The following NSFL1C variants were observed in gnomAD, a reference collection of about 807,000 sequenced individuals.
The protein encoded by NSFL1C is NSFL1 cofactor p47.
Under a neutral mutation model 43.1 loss-of-function variants are expected in NSFL1C, and 14 were observed. The ratio of observed to expected loss-of-function variants is 0.32; its 90% CI spans 0.21 to 0.51. NSFL1C has a LOEUF of 0.51. Among genes scored for constraint, NSFL1C ranks in the 20% least tolerant of loss-of-function variants. NSFL1C has a pLI of 0.98. For missense variants in NSFL1C, 406 were observed against 472.5 expected, an observed-to-expected ratio of 0.86 and a Z score of 1.30; for synonymous variants, 171 against 183.5, an observed-to-expected ratio of 0.93 and a Z score of 0.55.
chr20:1,462,647 G>A (rs1001975495), intron 2 of NSFL1C, among the ~76,000 whole-genome samples: 13 of 151,666 alleles, frequency 8.6e-5, no homozygotes, highest in Non-Finnish European at 1.3e-4. Context: ...TCAGCCTCCC[G>A]GGTAGCTGGG....
chr20:1,457,127 AT>A (rs2090318321), intron 3 of NSFL1C: 1 of 152,182 alleles, frequency 6.6e-6, no homozygotes, highest in Non-Finnish European at 1.5e-5. Context: ...CAAATAGTTG[AT>A]GGGTACATGT....
rs2089986411 is a variant in NSFL1C at position 1,443,207 on chromosome 20, T to A, written c.*542A>T. ...TCTGAAGACACTGTGTGCATGGAGC[T>A]CTGACTTCCCACTTCAGGGAACTCT... On this transcript the variant is annotated 3_prime_UTR_variant, in exon 9 of 9. Coordinates refer to ENST00000216879, the MANE Select transcript of NSFL1C (RefSeq NM_016143.5). The A allele has an allele frequency of 6.5e-6, 1 of 153,186 alleles. No homozygotes were observed. The allele number at this position is 153,186 out of a possible 1,614,324, so 9.5% of individuals were successfully genotyped here.
chr20:1,460,466 C>T (rs1460335283), intron 2 of NSFL1C, among the ~76,000 whole-genome samples: 5 of 152,100 alleles, frequency 3.3e-5, no homozygotes, highest in Admixed American at 2.6e-4. Context: ...CATGGATGTC[C>T]TAGGGATATT....
chr20:1,461,265 T>C (rs986919635), intron 2 of NSFL1C, among the ~76,000 whole-genome samples: 1 of 152,162 alleles, frequency 6.6e-6, no homozygotes, highest in African/African-American at 2.4e-5. Flanking sequence ...TGCCACCCAG[T>C]AGTACATGGA....
chr20:1,451,031 G>A (rs2090169904), intron 7 of NSFL1C, among the ~76,000 whole-genome samples: 1 of 152,088 alleles, frequency 6.6e-6, no homozygotes, highest in African/African-American at 2.4e-5. Flanking sequence ...TTAGCTTCAG[G>A]ACAGCTTTTA....
At chr20:1,453,973 ACTC>A (rs992365806) in intron 5 of NSFL1C, among the ~76,000 whole-genome samples, 12 of 151,512 alleles carry the variant, frequency 7.9e-5, no homozygotes, top group African/African-American at 2.7e-4. Context: ...TGCTCAAAAA[ACTC>A]CTTCATTTGC....
At chr20:1,462,082 G>T (rs2090422690) in intron 2 of NSFL1C, among the ~76,000 whole-genome samples, 1 of 152,130 alleles carries the variant, frequency 6.6e-6, no homozygotes, top group Non-Finnish European at 1.5e-5. Flanking sequence ...ATTCCTCCTA[G>T]GGTTCTCGGG....
chr20:1,452,781 C>T, intron 6 of NSFL1C, 151 bp from the exon 7 acceptor site: 4 of 987,798 alleles, frequency 4.0e-6, no homozygotes. Context: ...CTGTCTGCCT[C>T]CACCTTTTCT....
At chr20:1,452,894 T>A in intron 6 of NSFL1C, 137 bp downstream of exon 6, 1 of 722,418 alleles carries the variant, frequency 1.4e-6, no homozygotes, top group East Asian at 2.5e-5. Context: ...TTGGAGCAGA[T>A]CTATGAATCC....
chr20:1,444,951 A>C (rs2090027768), intron 8 of NSFL1C, among the ~76,000 whole-genome samples: 1 of 152,186 alleles, frequency 6.6e-6, no homozygotes, highest in Non-Finnish European at 1.5e-5. Context: ...TCAATATTCA[A>C]CGACTGACAA....
At chr20:1,466,528 G>C (rs2090516356) in intron 1 of NSFL1C, among the ~76,000 whole-genome samples, 192 bp downstream of exon 1, 1 of 152,326 alleles carries the variant, frequency 6.6e-6, no homozygotes. Flanking sequence ...ACTGGCTGGG[G>C]CTGGCCCGCG....
At chr20:1,463,319 C>T (rs1453506206) in intron 2 of NSFL1C, 1 of 152,214 alleles carries the variant, frequency 6.6e-6, no homozygotes, top group Non-Finnish European at 1.5e-5. Flanking sequence ...CTAGCAGCTG[C>T]AAGAACAGCA....
intron 3 of NSFL1C, chr20:1,455,921 C>G (rs1216508841): frequency 1.6e-6 from 1 of 624,224 alleles, no homozygotes; most frequent in African/African-American, 1.8e-5. Flanking sequence ...AAATACAAGC[C>G]CCAAGACACC....
chr20:1,454,944 C>G lies in NSFL1C; in HGVS notation c.444+23G>C, dbSNP rs768965320. On this transcript the variant is annotated intron_variant, in intron 4 of 8. Transcript: ENST00000216879. The stretch of plus-strand genomic sequence containing the variant: ...TTCTGGAATCTCAGTCCTGTGGGCA[C>G]AGACAATGACCCTTATACTCACTCT... The G allele has an allele frequency of 5.6e-6, 9 of 1,602,368 alleles. No homozygotes were observed. In the African/African-American group the frequency reaches 1.2e-4, roughly 21 times the overall value.
chr20:1,452,893 A>G (rs1320533837), intron 6 of NSFL1C, 138 bp downstream of exon 6: 1 of 720,596 alleles, frequency 1.4e-6, no homozygotes, highest in Non-Finnish European at 2.4e-6. Flanking sequence ...TTTGGAGCAG[A>G]TCTATGAATC....
Position 1,443,860 on chromosome 20 carries a change from G to A in NSFL1C, c.1002C>T (p.Ala334=), listed in dbSNP as rs750053519. 6.2e-7 allele frequency: 1 copy of A among 1,613,806 alleles called. No individual in the cohort carries two copies. The highest frequency in any genetic ancestry group is 1.7e-5 in the Admixed American group (1 of 60,002). Residue 334 remains alanine, a synonymous_variant, in exon 9 of 9, where the codon GCC becomes GCT. Transcript: ENST00000216879. ...AAGTAGTCATGAGGATAAAGCTGGT[G>A]GCAGCCATGGCTGGCCGGGCATCCA... is the stretch of plus-strand genomic sequence containing the variant. ...FIVDARPAMA[A]TSFILMTTFP...
At chr20:1,465,291 G>A (rs1488957929) in intron 1 of NSFL1C, among the ~76,000 whole-genome samples, 1 of 152,162 alleles carries the variant, frequency 6.6e-6, no homozygotes, top group Non-Finnish European at 1.5e-5. Flanking sequence ...GCTGTCAAGG[G>A]ATAAAAGTAA....
intron 6 of NSFL1C, 65 bp downstream of exon 6, chr20:1,452,966 C>A: frequency 1.1e-6 from 1 of 883,502 alleles, no homozygotes; most frequent in Admixed American, 1.8e-5. Flanking sequence ...AACATTCTGC[C>A]TCCTCCTTTC....
Position 1,458,239 on chromosome 20 carries a change from T to C in NSFL1C, c.239A>G (p.His80Arg), listed in dbSNP as rs771979297. Residue 80 changes from histidine (H) to arginine (R), a missense_variant, in exon 3 of 9, where the codon CAT becomes CGT. His to Arg is a conservative substitution (Grantham distance 29). Coordinates refer to ENST00000216879, the MANE Select transcript of NSFL1C (RefSeq NM_016143.5). ...TTCCTCCTCATCTTCATCTTGGTCATGAATGAGGTCTCTGAAGGATGTCAC... is the reference window on the plus strand; with the variant it reads ...TTCCTCCTCATCTTCATCTTGGTCACGAATGAGGTCTCTGAAGGATGTCAC... ...NRVTSFRDLI[H>R]DQDEDEEEEE... 1.2e-6 allele frequency: 2 copies of C among 1,613,808 alleles called. No individual in the cohort carries two copies. Among genetic ancestry groups the C allele is most frequent in the Non-Finnish European group, 1.7e-6 (2 of 1,179,774 alleles).
Sources: gnomAD v4.1 joint callset for allele counts (sites outside exome capture counted in the v4.1 genomes callset) on GRCh38, gnomAD v4.1.1 for gene constraint, MANE v1.5 for transcripts, NCBI Gene and HGNC (gene_info 2026-07-23, HGNC 2026-07-21) for gene names.